Variants in TNIK observed in about 807,000 individuals in gnomAD.
TNIK encodes the protein TRAF2 and NCK interacting kinase, also known as TRAF2 and NCK-interacting protein kinase.
Under a neutral mutation model 191.3 loss-of-function variants are expected in TNIK, and 49 were observed. That is an observed-to-expected ratio of 0.26 (90% CI 0.20 to 0.32). The LOEUF (loss-of-function observed/expected upper bound fraction) is 0.32, where lower values mean the gene tolerates loss of function less well. TNIK is among the 10% of genes least tolerant of loss of function. The pLI, the probability that TNIK is intolerant of heterozygous loss-of-function variation, is 1.00. For synonymous variants in TNIK, 594 were observed against 600.9 expected, an observed-to-expected ratio of 0.99 and a Z score of 0.17; for missense variants, 1,155 against 1,702.3, an observed-to-expected ratio of 0.68 and a Z score of 5.66.
intron 12 of TNIK, among the ~76,000 whole-genome samples, chr3:171,154,101 A>AAAC (rs567634320): frequency 6.6e-6 from 1 of 152,112 alleles, no homozygotes; most frequent in South Asian, 2.1e-4. Flanking sequence ...TCATGCTTAA[A>AAAC]AACAACAACA....
intron 12 of TNIK, among the ~76,000 whole-genome samples, chr3:171,141,741 G>A (rs936885356): frequency 2.5e-4 from 38 of 152,154 alleles, no homozygotes; most frequent in African/African-American, 1.7e-4. Context: ...TGAGAGAGGC[G>A]GCTGGCCCTT....
At chr3:171,434,726 C>G (rs1358511704) in intron 1 of TNIK, among the ~76,000 whole-genome samples, 1 of 152,206 alleles carries the variant, frequency 6.6e-6, no homozygotes, top group Admixed American at 6.5e-5. Flanking sequence ...TCCCAAAACA[C>G]TGGAATTACA....
At chr3:171,385,563 A>G (rs577892320) in intron 1 of TNIK, among the ~76,000 whole-genome samples, 1 of 152,312 alleles carries the variant, frequency 6.6e-6, no homozygotes, top group South Asian at 2.1e-4. Context: ...GACAGGCAGG[A>G]AATCGATACA....
chr3:171,308,304 G>A (rs146303622), intron 2 of TNIK, among the ~76,000 whole-genome samples: 2 of 152,226 alleles, frequency 1.3e-5, no homozygotes, highest in Admixed American at 1.3e-4. Flanking sequence ...TGACGAAGCT[G>A]ACAAAAACAA....
chr3:171,331,705 C>A (rs151241272), intron 2 of TNIK, among the ~76,000 whole-genome samples: 4 of 152,156 alleles, frequency 2.6e-5, no homozygotes, highest in African/African-American at 9.7e-5. Context: ...GGTTTTCTAA[C>A]GCTCCAGTGT....
At chr3:171,297,143 C>T (rs945250525) in intron 2 of TNIK, among the ~76,000 whole-genome samples, 10 of 151,990 alleles carry the variant, frequency 6.6e-5, no homozygotes, top group Non-Finnish European at 1.5e-4. Context: ...CTCAGTCTCT[C>T]GATAACTCCC....
intron 2 of TNIK, among the ~76,000 whole-genome samples, chr3:171,269,167 A>G (rs1487550236): frequency 6.6e-6 from 1 of 152,194 alleles, no homozygotes; most frequent in Admixed American, 6.5e-5. Context: ...ATCAAACTAT[A>G]ATTTTTCTTA....
intron 2 of TNIK, among the ~76,000 whole-genome samples, chr3:171,363,309 A>G (rs1715249578): frequency 6.6e-6 from 1 of 152,206 alleles, no homozygotes; most frequent in Non-Finnish European, 1.5e-5. Context: ...ACCATGAGGA[A>G]TAACTGAGAC....
chr3:171,069,237 G>A (rs549491443), intron 29 of TNIK, among the ~76,000 whole-genome samples: 24 of 151,994 alleles, frequency 1.6e-4, no homozygotes, highest in Admixed American at 2.6e-4. Flanking sequence ...TGGTGCACAG[G>A]TGTAAATTTT....
chr3:171,323,445 C>T (rs182016303), intron 2 of TNIK, among the ~76,000 whole-genome samples: 10 of 152,212 alleles, frequency 6.6e-5, no homozygotes, highest in Non-Finnish European at 1.5e-4. Context: ...TGGATTACAC[C>T]GCATGGATTA....
chr3:171,185,995 A>T (rs1313068824), intron 7 of TNIK, among the ~76,000 whole-genome samples: 1 of 152,206 alleles, frequency 6.6e-6, no homozygotes, highest in Non-Finnish European at 1.5e-5. Flanking sequence ...GGGATACACC[A>T]CTGGGCCAAG....
Position 171,417,370 on chromosome 3 carries a change from C to T in TNIK, c.57+42637G>A, listed in dbSNP as rs115500196. Among the ~76,000 whole-genome samples the T allele has an allele frequency of 4.1e-3, 618 of 152,194 alleles. 3 individuals are homozygous for T. The highest frequency in any genetic ancestry group is 0.014 in the African/African-American group (599 of 41,534). On this transcript the variant is annotated intron_variant, in intron 1 of 32. Coordinates refer to ENST00000436636, the MANE Select transcript of TNIK (RefSeq NM_015028.4). ...CTCTGCTAACAAAGGCTTGTTTCAC[C>T]AAGTAACTTGGGAAGTCATCCCAGT... is the stretch of plus-strand genomic sequence containing the variant.
At chr3:171,139,008 T>C (rs1003389201) in intron 14 of TNIK, among the ~76,000 whole-genome samples, 1 of 152,162 alleles carries the variant, frequency 6.6e-6, no homozygotes, top group African/African-American at 2.4e-5. Context: ...GGACACAAAA[T>C]GTTCCCATCG....
chr3:171,362,618 T>G (rs954867595), intron 2 of TNIK, among the ~76,000 whole-genome samples: 1 of 152,218 alleles, frequency 6.6e-6, no homozygotes, highest in Admixed American at 6.5e-5. Flanking sequence ...GAAAAGGTTA[T>G]TGAGTGCCTA....
intron 2 of TNIK, among the ~76,000 whole-genome samples, chr3:171,235,554 A>C (rs1401072017): frequency 6.6e-6 from 1 of 152,156 alleles, no homozygotes; most frequent in African/African-American, 2.4e-5. Context: ...TGGTACCTGA[A>C]CACTAGTCCA....
intron 12 of TNIK, among the ~76,000 whole-genome samples, chr3:171,147,441 C>T (rs554946212): frequency 1.6e-4 from 24 of 152,210 alleles, no homozygotes; most frequent in African/African-American, 4.6e-4. Context: ...TCCCATTTAA[C>T]GTTGCTAAAG....
At chr3:171,096,189 G>T (rs561364836) in intron 22 of TNIK, among the ~76,000 whole-genome samples, 2 of 152,228 alleles carry the variant, frequency 1.3e-5, no homozygotes, top group African/African-American at 4.8e-5. Context: ...GGTGGCATCT[G>T]CCAGGCTGAT....
chr3:171,232,852 TAATAC>T (rs1341513999), intron 2 of TNIK, among the ~76,000 whole-genome samples: 1 of 152,200 alleles, frequency 6.6e-6, no homozygotes, highest in Non-Finnish European at 1.5e-5. Flanking sequence ...CAAGTACGAT[TAATAC>T]AATACCCTAC....
chr3:171,071,477 CAT>C, intron 28 of TNIK, 154 bp from the exon 29 acceptor site: 1 of 646,796 alleles, frequency 1.5e-6, no homozygotes, highest in Non-Finnish European at 2.6e-6. Flanking sequence ...GGGATTTTTT[CAT>C]AGATACTGAT....
Sources: allele counts gnomAD v4.1 joint callset (sites outside exome capture counted in the v4.1 genomes callset), GRCh38; gene constraint gnomAD v4.1.1; transcripts MANE v1.5; gene names NCBI Gene and HGNC (gene_info 2026-07-23, HGNC 2026-07-21).